PLIN3: variants seen among roughly 807,000 people sequenced by gnomAD.
PLIN3 encodes the protein perilipin-3.
In PLIN3, 30 loss-of-function variants were observed where a neutral mutation model predicts 35.9. The ratio of observed to expected loss-of-function variants is 0.84; its 90% CI spans 0.62 to 1.13. PLIN3 has a LOEUF of 1.13. Ranked by LOEUF, PLIN3 falls within the 50% of genes most tolerant of loss-of-function variation. The probability of loss-of-function intolerance (pLI) is 0.00; values close to 1 mark genes in which losing one functional copy is unlikely to be tolerated. For synonymous variants in PLIN3, 261 were observed against 262.5 expected, an observed-to-expected ratio of 0.99 and a Z score of 0.06; for missense variants, 603 against 596.9, an observed-to-expected ratio of 1.01 and a Z score of -0.11.
chr19:4,863,584 C>T (rs567176026), intron 1 of PLIN3, among the ~76,000 whole-genome samples: 4 of 151,230 alleles, frequency 2.6e-5, no homozygotes, highest in Non-Finnish European at 5.9e-5. Flanking sequence ...TTTGGGAGGC[C>T]GAGGCAGGAG....
At chr19:4,857,400 T>C (rs995878696) in intron 4 of PLIN3, among the ~76,000 whole-genome samples, 6 of 150,992 alleles carry the variant, frequency 4.0e-5, no homozygotes, top group Admixed American at 6.6e-5. Context: ...TGAAAACTCG[T>C]CTCTACAAAA....
chr19:4,854,810 C>G (rs2030419411), intron 4 of PLIN3, among the ~76,000 whole-genome samples: 1 of 152,008 alleles, frequency 6.6e-6, no homozygotes, highest in Admixed American at 6.6e-5. Context: ...TTGCACCTCT[C>G]AAAAAGTCAA....
Position 4,839,551 on chromosome 19 carries a change from G to A in PLIN3, c.961-15C>T. 1 of 1,501,960 alleles carries A rather than the reference G, an allele frequency of 6.7e-7. No individual in the cohort carries two copies. 93.0% of individuals were successfully genotyped at this position (1,501,960 alleles called of 1,614,324 possible). A position where few individuals can be genotyped will look rare whatever the true frequency, so the allele number is the denominator to read the frequency against. ...GACTCGACCTGCTGAGAAGGGAGAT[G>A]GGGACACCAATCAGGACCATTTGTT... On this transcript the variant is annotated splice_polypyrimidine_tract_variant and intron_variant, in intron 7 of 7. Transcript: ENST00000221957.
At chr19:4,858,110 TAAA>T (rs2030532839) in intron 4 of PLIN3, among the ~76,000 whole-genome samples, 1 of 150,682 alleles carries the variant, frequency 6.6e-6, no homozygotes, top group African/African-American at 2.4e-5. Context: ...CCGTCTCTAC[TAAA>T]AATACAAAAA....
chr19:4,857,706 T>C (rs1388972953), intron 4 of PLIN3, among the ~76,000 whole-genome samples: 2 of 152,132 alleles, frequency 1.3e-5, no homozygotes, highest in Non-Finnish European at 2.9e-5. Flanking sequence ...CTGGGCCTGG[T>C]GGCTCATGTC....
chr19:4,853,123 T>A (rs2030359142), intron 4 of PLIN3, among the ~76,000 whole-genome samples: 1 of 151,138 alleles, frequency 6.6e-6, no homozygotes, highest in South Asian at 2.1e-4. Context: ...GTTTTTTGTT[T>A]TTTTTTTTCA....
At chr19:4,841,990 T>G (rs1008386875) in intron 7 of PLIN3, among the ~76,000 whole-genome samples, 2 of 150,990 alleles carry the variant, frequency 1.3e-5, no homozygotes, top group African/African-American at 4.9e-5. Flanking sequence ...GGAAGAACTT[T>G]CTAGGCAGAA....
At chr19:4,853,327 A>G (rs1160727036) in intron 4 of PLIN3, among the ~76,000 whole-genome samples, 1 of 150,328 alleles carries the variant, frequency 6.7e-6, no homozygotes, top group East Asian at 2.0e-4. Context: ...ATTTTTATTT[A>G]TTTATTAATT....
At chr19:4,863,109 A>G (rs1189566547) in intron 1 of PLIN3, among the ~76,000 whole-genome samples, 1 of 152,014 alleles carries the variant, frequency 6.6e-6, no homozygotes, top group Non-Finnish European at 1.5e-5. Flanking sequence ...GTGAGGTGAG[A>G]TCGCGCCACT....
At position 4,859,586 on chromosome 19, in the gene PLIN3, T is replaced by G. The variant is rs769130639; in HGVS notation, c.348+4A>C. Reference sequence around the variant, plus strand: ...ACAGAGCCCCTGAGGACGGACATCGTTACCTTCTCCGTGGGCTGCTGCAGG... The same window carrying G: ...ACAGAGCCCCTGAGGACGGACATCGGTACCTTCTCCGTGGGCTGCTGCAGG... On this transcript the variant is annotated splice_donor_region_variant and intron_variant, in intron 4 of 7. Transcript: ENST00000221957. The G allele has an allele frequency of 6.2e-7, 1 of 1,613,764 alleles. No homozygotes were observed. Among genetic ancestry groups the G allele is most frequent in the Non-Finnish European group, 8.5e-7 (1 of 1,179,710 alleles).
chr19:4,863,483 G>C (rs1436554923), intron 1 of PLIN3, among the ~76,000 whole-genome samples: 1 of 134,356 alleles, frequency 7.4e-6, no homozygotes, highest in Non-Finnish European at 1.6e-5. Flanking sequence ...GGCAACAGGA[G>C]CGAAACTCTG....
chr19:4,853,906 A>G (rs2030387546), intron 4 of PLIN3, among the ~76,000 whole-genome samples: 2 of 150,826 alleles, frequency 1.3e-5, no homozygotes, highest in African/African-American at 4.9e-5. Context: ...TCATCTGTCA[A>G]TACCTGCTGT....
chr19:4,854,436 T>A (rs1170958995), intron 4 of PLIN3, among the ~76,000 whole-genome samples: 1 of 150,388 alleles, frequency 6.6e-6, no homozygotes, highest in African/African-American at 2.5e-5. Flanking sequence ...GAGTTTTTGC[T>A]CTTGTCACCC....
At chr19:4,851,533 G>A (rs574872835) in intron 5 of PLIN3, among the ~76,000 whole-genome samples, 9 of 152,202 alleles carry the variant, frequency 5.9e-5, no homozygotes, top group Non-Finnish European at 1.2e-4. Flanking sequence ...ATATGTGACC[G>A]AGATGACTGG....
At chr19:4,863,212 T>C (rs1037023933) in intron 1 of PLIN3, among the ~76,000 whole-genome samples, 2 of 146,070 alleles carry the variant, frequency 1.4e-5, no homozygotes, top group Non-Finnish European at 3.0e-5. Context: ...GAATGAGATT[T>C]AAAGGCCGGG....
In PLIN3 at chr19:4,839,167, G is replaced by C. The variant is rs750442254; in HGVS notation, c.*25C>G. On this transcript the variant is annotated 3_prime_UTR_variant, in exon 8 of 8. Coordinates refer to ENST00000221957, the MANE Select transcript of PLIN3 (RefSeq NM_005817.5). The stretch of plus-strand genomic sequence containing the variant: ...AGCACAGCTGCATTATAGAGACGGG[G>C]CCCGCTGAGTCCTCTCCTCTCCCCC... 1 of 1,555,626 alleles carries C rather than the reference G, an allele frequency of 6.4e-7. No individual in the cohort carries two copies. The highest frequency in any genetic ancestry group is 1.2e-5 in the South Asian group (1 of 85,718).
chr19:4,857,680 G>C (rs543908776), intron 4 of PLIN3, among the ~76,000 whole-genome samples: 86 of 152,098 alleles, frequency 5.7e-4, no homozygotes, highest in Non-Finnish European at 1.0e-3. Context: ...CTGTAGAAAA[G>C]AAAGTGGGAC....
At chr19:4,851,957 C>A (rs958406712) in intron 5 of PLIN3, 59 bp downstream of exon 5, 3 of 1,543,810 alleles carry the variant, frequency 1.9e-6, no homozygotes, top group Non-Finnish European at 1.8e-6. Flanking sequence ...AGGCCGACAG[C>A]GGCTTCCGGT....
Position 4,859,687 on chromosome 19 carries a change from T to A in PLIN3, c.266-15A>T. On this transcript the variant is annotated splice_polypyrimidine_tract_variant and intron_variant, in intron 3 of 7. Transcript: ENST00000221957. ...GGCTGATGCAACTGCCAACAACAAT[T>A]AAGACGCAAATGTGACTGCTGGAAG... The A allele has an allele frequency of 6.2e-7, 1 of 1,613,512 alleles. No homozygotes were observed. Among genetic ancestry groups the A allele is most frequent in the Middle Eastern group, 1.6e-4 (1 of 6,062 alleles).
Sources: allele counts gnomAD v4.1 joint callset (sites outside exome capture counted in the v4.1 genomes callset), GRCh38; gene constraint gnomAD v4.1.1; transcripts MANE v1.5; gene names NCBI Gene and HGNC (gene_info 2026-07-23, HGNC 2026-07-21).